The following FAM200B variants were observed in gnomAD, a reference collection of about 807,000 sequenced individuals.
The protein encoded by FAM200B is protein FAM200B.
Under a neutral mutation model 33.1 loss-of-function variants are expected in FAM200B, and 32 were observed. The observed-to-expected ratio is 0.97, with a 90% CI of 0.73 to 1.30. The LOEUF (loss-of-function observed/expected upper bound fraction) is 1.30, where lower values mean the gene tolerates loss of function less well. Ranked by LOEUF, FAM200B falls within the 50% of genes most tolerant of loss-of-function variation. The pLI is 0.00. For missense variants in FAM200B, 741 were observed against 754.0 expected (o/e 0.98, Z 0.20); for synonymous variants, 240 against 264.8 (o/e 0.91, Z 0.91).
the FAM200B span, among the ~76,000 whole-genome samples, chr4:15,650,361 G>A: frequency 1.3e-5 from 2 of 152,076 alleles, no homozygotes; most frequent in Admixed American, 1.3e-4. Flanking sequence ...ACAAATTTCA[G>A]GGAACAGTAT....
chr4:15,675,387 A>G, the FAM200B span, among the ~76,000 whole-genome samples: 3 of 152,300 alleles, frequency 2.0e-5, no homozygotes, highest in East Asian at 5.8e-4. Flanking sequence ...CTACTATAGT[A>G]TATAAAGATT....
chr4:15,677,931 G>A (rs1180490634), upstream of FAM200B, among the ~76,000 whole-genome samples: 1 of 87,978 alleles, frequency 1.1e-5, no homozygotes, highest in African/African-American at 4.1e-5. Context: ...GGGACTGAGC[G>A]CTTAACCTGT....
chr4:15,663,622 C>T, the FAM200B span, among the ~76,000 whole-genome samples: 1 of 152,184 alleles, frequency 6.6e-6, no homozygotes, highest in Non-Finnish European at 1.5e-5. Context: ...AATACTACTA[C>T]CTATTCTAGT....
chr4:15,687,721 G>T lies in FAM200B; in HGVS notation c.744G>T (p.Ala248=), dbSNP rs757211507. Residue 248 remains alanine, a synonymous_variant, in exon 2 of 2, where the codon GCG becomes GCT. Coordinates refer to ENST00000422728, the MANE Select transcript of FAM200B (RefSeq NM_001145191.2). The stretch of plus-strand genomic sequence containing the variant: ...CACTTTTAGTTTATGTCAGATATGC[G>T]TGGCAAGATGATTTTTTGGAGGATT... ...CTTLLVYVRY[A]WQDDFLEDFL... 3.2e-6 allele frequency: 5 copies of T among 1,550,614 alleles called. No individual in the cohort carries two copies. The East Asian group carries it at 9.8e-5, about 30-fold the overall frequency.
chr4:15,637,259 G>A, the FAM200B span, among the ~76,000 whole-genome samples: 1 of 152,200 alleles, frequency 6.6e-6, no homozygotes, highest in Admixed American at 6.5e-5. Flanking sequence ...ACGACAAAAT[G>A]TAGATATTTC....
At chr4:15,648,783 A>G in the FAM200B span, among the ~76,000 whole-genome samples, 3 of 152,304 alleles carry the variant, frequency 2.0e-5, no homozygotes, top group Non-Finnish European at 2.9e-5. Flanking sequence ...TTCTGGGGAT[A>G]TAAGGTACAG....
chr4:15,673,291 A>G, the FAM200B span, among the ~76,000 whole-genome samples: 1 of 152,156 alleles, frequency 6.6e-6, no homozygotes, highest in East Asian at 1.9e-4. Flanking sequence ...AATACAAAAA[A>G]TTAGCCGGGT....
At chr4:15,652,934 G>A in the FAM200B span, among the ~76,000 whole-genome samples, 1 of 152,178 alleles carries the variant, frequency 6.6e-6, no homozygotes, top group Non-Finnish European at 1.5e-5. Flanking sequence ...ATGGCAAAAC[G>A]TGAGATGATA....
the FAM200B span, among the ~76,000 whole-genome samples, chr4:15,673,601 T>C: frequency 6.6e-5 from 10 of 152,338 alleles, no homozygotes; most frequent in Admixed American, 2.6e-4. Flanking sequence ...TTGAACAAAA[T>C]GTCTTTATGT....
the FAM200B span, among the ~76,000 whole-genome samples, chr4:15,666,025 A>T: frequency 1.2e-3 from 180 of 149,616 alleles, no homozygotes; most frequent in South Asian, 9.2e-3. Flanking sequence ...CCTTTTTTTA[A>T]AAAAAAAAAA....
At chr4:15,672,091 T>C in the FAM200B span, among the ~76,000 whole-genome samples, 1 of 152,222 alleles carries the variant, frequency 6.6e-6, no homozygotes, top group Admixed American at 6.5e-5. Flanking sequence ...TCTTGAGCTT[T>C]GTTCTAGAAT....
At chr4:15,641,530 G>C in the FAM200B span, 2 of 419,118 alleles carry the variant, frequency 4.8e-6, no homozygotes, top group Non-Finnish European at 4.7e-6. Flanking sequence ...TTACCTTACT[G>C]TAAGAATCCA....
the FAM200B span, among the ~76,000 whole-genome samples, chr4:15,668,461 AT>A: frequency 2.7e-5 from 4 of 150,026 alleles, no homozygotes; most frequent in African/African-American, 7.3e-5. Flanking sequence ...ACATTCTTTT[AT>A]TTTTTTTTGT....
the FAM200B span, chr4:15,655,530 G>C: frequency 3.6e-6 from 1 of 275,932 alleles, no homozygotes; most frequent in Non-Finnish European, 5.5e-6. Flanking sequence ...CACTCTTTTC[G>C]TTTTTTGTCG....
chr4:15,683,817 C>G (rs1718577115), intron 1 of FAM200B, among the ~76,000 whole-genome samples: 1 of 152,142 alleles, frequency 6.6e-6, no homozygotes, highest in Admixed American at 6.5e-5. Context: ...TTGTTACTGA[C>G]TGTGATAAAA....
chr4:15,666,707 C>T, the FAM200B span, among the ~76,000 whole-genome samples: 2 of 152,020 alleles, frequency 1.3e-5, no homozygotes, highest in South Asian at 4.1e-4. Context: ...TGGTGTGTGC[C>T]TGTGATTCCA....
At chr4:15,644,567 T>A in the FAM200B span, 6 of 1,614,152 alleles carry the variant, frequency 3.7e-6, no homozygotes, top group Non-Finnish European at 5.1e-6. Context: ...ACATTATAAA[T>A]GGTCTGGCTG....
chr4:15,647,845 T>C, the FAM200B span, among the ~76,000 whole-genome samples: 42 of 152,294 alleles, frequency 2.8e-4, 1 homozygote, highest in Admixed American at 2.6e-3. Flanking sequence ...ATTAACTACT[T>C]CACAGAGTTC....
rs368230691 is a variant in FAM200B at position 15,688,857 on chromosome 4, A to G, written c.1880A>G (p.Asn627Ser). The G allele has an allele frequency of 7.1e-6, 11 of 1,551,394 alleles. No individual in the cohort carries two copies. Among genetic ancestry groups the G allele is most frequent in the African/African-American group, 1.4e-5 (1 of 73,048 alleles). The change falls in exon 2 of 2, where the codon AAT (asparagine) becomes AGT (serine). Residue 627 changes from asparagine (N) to serine (S), a missense_variant. Physicochemically the swap from Asn to Ser is conservative, Grantham distance 46. Coordinates refer to ENST00000422728, the MANE Select transcript of FAM200B (RefSeq NM_001145191.2). ...ACGCAGTTAAAAACAAAGGAAAGAA[A>G]TGGGCTGAATTGTGCAGCAGTTATG... ...ILTQLKTKER[N>S]GLNCAAVMRV...
Sources: allele counts gnomAD v4.1 joint callset (sites outside exome capture counted in the v4.1 genomes callset), GRCh38; gene constraint gnomAD v4.1.1; transcripts MANE v1.5; gene names NCBI Gene and HGNC (gene_info 2026-07-23, HGNC 2026-07-21).